Variants in UGT1A6 observed in about 807,000 individuals in gnomAD.
The protein encoded by UGT1A6 is UDP glucuronosyltransferase family 1 member A6.
In UGT1A6, 32 loss-of-function variants were observed where a neutral mutation model predicts 44.4. The ratio of observed to expected loss-of-function variants is 0.72; its 90% confidence interval spans 0.54 to 0.97. The LOEUF (loss-of-function observed/expected upper bound fraction) is 0.97. UGT1A6 is among the 50% of genes least tolerant of loss of function. The pLI is 0.00. For synonymous variants in UGT1A6, 238 were observed against 248.5 expected, an observed-to-expected ratio of 0.96 and a Z score of 0.40; for missense variants, 685 against 661.9, an observed-to-expected ratio of 1.03 and a Z score of -0.38.
chr2:233,710,795 T>C (rs914559681), intron 1 of UGT1A6, among the ~76,000 whole-genome samples: 1 of 152,238 alleles, frequency 6.6e-6, no homozygotes. Flanking sequence ...TTGTGTTTTG[T>C]ACCCCTCGTG....
chr2:233,769,998 C>A lies in UGT1A6; in HGVS notation c.1301+1559C>A. The stretch of plus-strand genomic sequence containing the variant: ...AGGATGTCCTGCTCACATATCAATA[C>A]CATTAAAACCTGACTTCTTTCCCTG... On this transcript the variant is annotated intron_variant, in intron 4 of 4. Coordinates refer to ENST00000305139, the MANE Select transcript of UGT1A6 (RefSeq NM_001072.4). The surrounding 1 kb of genome is among the most constrained non-coding windows in gnomAD (Gnocchi z 4.4). 5.7e-6 allele frequency: 1 copy of A among 174,584 alleles called. No homozygotes were observed. The highest frequency in any genetic ancestry group is 1.2e-5 in the Non-Finnish European group (1 of 82,536). The allele number at this position is 174,584 out of a possible 1,614,324, so 10.8% of individuals were successfully genotyped here. A position where few individuals can be genotyped will look rare whatever the true frequency, so the allele number is the denominator to read the frequency against.
chr2:233,744,268 G>A (rs975143580), intron 1 of UGT1A6, among the ~76,000 whole-genome samples: 1 of 151,806 alleles, frequency 6.6e-6, no homozygotes, highest in Non-Finnish European at 1.5e-5. Context: ...TTTTCTTAAA[G>A]TAGGCTTTAT....
intron 1 of UGT1A6, among the ~76,000 whole-genome samples, chr2:233,718,350 T>C: frequency 6.6e-6 from 1 of 152,358 alleles, no homozygotes; most frequent in Non-Finnish European, 1.5e-5. Flanking sequence ...CTTTTGGATG[T>C]GCTGTGTTAT....
chr2:233,764,219 C>T (rs759767670), intron 1 of UGT1A6, among the ~76,000 whole-genome samples: 2 of 152,130 alleles, frequency 1.3e-5, no homozygotes, highest in Non-Finnish European at 2.9e-5. Context: ...TGAAGGGAAT[C>T]AATGGTGGGG....
intron 1 of UGT1A6, chr2:233,729,531 G>T (rs757870746): frequency 6.2e-7 from 1 of 1,614,140 alleles, no homozygotes. Context: ...TACATAATGA[G>T]GCCCTGATCA....
chr2:233,736,850 CTGCAGAACAGCAAATAT>C (rs1213146640), intron 1 of UGT1A6, among the ~76,000 whole-genome samples: 4 of 152,338 alleles, frequency 2.6e-5, no homozygotes, highest in African/African-American at 7.2e-5. Flanking sequence ...CCAGTGGAGG[CTGCAGAACAGCAAATAT>C]TGCAGAACAG....
At chr2:233,726,933 A>AT (rs1312634062) in intron 1 of UGT1A6, among the ~76,000 whole-genome samples, 1 of 151,726 alleles carries the variant, frequency 6.6e-6, no homozygotes, top group Non-Finnish European at 1.5e-5. Flanking sequence ...TCCTTTTTTC[A>AT]TTTTTAAAAA....
intron 1 of UGT1A6, chr2:233,761,175 A>G (rs1340390077): frequency 1.2e-6 from 2 of 1,614,094 alleles, no homozygotes; most frequent in African/African-American, 2.7e-5. Flanking sequence ...TGGGACTTTT[A>G]CATGCGTATA....
chr2:233,717,701 A>G (rs1201448536), intron 1 of UGT1A6: 4 of 447,022 alleles, frequency 8.9e-6, no homozygotes, highest in Non-Finnish European at 1.8e-5. Context: ...TTTCTGGAGC[A>G]GGACGAGCCT....
intron 1 of UGT1A6, chr2:233,743,776 C>T: frequency 7.3e-7 from 1 of 1,367,308 alleles, no homozygotes; most frequent in Non-Finnish European, 9.8e-7. Context: ...CGGCCACCTG[C>T]TTGAATCTCC....
intron 1 of UGT1A6, among the ~76,000 whole-genome samples, chr2:233,724,119 G>A (rs1327289956): frequency 1.4e-4 from 15 of 110,060 alleles, no homozygotes; most frequent in South Asian, 3.2e-4. Context: ...GGGCAGAGGC[G>A]CCCCTCACCT....
Position 233,693,705 on chromosome 2 carries a change from C to A in UGT1A6, c.701C>A (p.Ser234Ter). The change falls in exon 1 of 5, where the codon TCA (serine) becomes TAA (stop). Residue 234 changes from serine (S) to a stop codon, truncating the protein, a stop_gained. Transcript: ENST00000305139. LOFTEE classifies it high-confidence loss of function. ...TTTTCAAAGTATGAAGAACTCGCAT[C>A]AGCTGTCCTCAAGAGAGATGTGGAT... ...CLFSKYEELA[S>*]AVLKRDVDII... The A allele has an allele frequency of 1.9e-6, 3 of 1,614,214 alleles. No homozygotes were observed. Among genetic ancestry groups the A allele is most frequent in the Non-Finnish European group, 2.5e-6 (3 of 1,180,046 alleles).
intron 1 of UGT1A6, among the ~76,000 whole-genome samples, chr2:233,726,156 G>T (rs1332003910): frequency 1.3e-5 from 2 of 152,114 alleles, no homozygotes; most frequent in Non-Finnish European, 2.9e-5. Flanking sequence ...ACAGAGTGAG[G>T]CCCCATTTCA....
chr2:233,771,369 G>A (rs987787590), intron 4 of UGT1A6: 2 of 151,684 alleles, frequency 1.3e-5, no homozygotes, highest in African/African-American at 4.8e-5. Flanking sequence ...CACCTAACCC[G>A]TTTTGGATTG....
rs1699951118 is a variant in UGT1A6, at chr2:233,769,835, G to A, written c.1301+1396G>A. The A allele has an allele frequency of 3.1e-6, 2 of 640,066 alleles. No individual in the cohort carries two copies. The highest frequency in any genetic ancestry group is 2.3e-6 in the Non-Finnish European group (1 of 426,370). The allele number at this position is 640,066 out of a possible 1,614,324, so 39.6% of individuals were successfully genotyped here. A position where few individuals can be genotyped will look rare whatever the true frequency, so the allele number is the denominator to read the frequency against. On this transcript the variant is annotated intron_variant, in intron 4 of 4. Coordinates refer to ENST00000305139, the MANE Select transcript of UGT1A6 (RefSeq NM_001072.4). The surrounding 1 kb of genome is among the most constrained non-coding windows in gnomAD (Gnocchi z 4.4). ...ATGCCACTGCACTCCAGCAACCTGG[G>A]CAACAGAGTGAGACCCTGTCTCAAA...
At chr2:233,728,227 T>C (rs576517888) in intron 1 of UGT1A6, among the ~76,000 whole-genome samples, 6 of 152,272 alleles carry the variant, frequency 3.9e-5, no homozygotes, top group African/African-American at 1.4e-4. Flanking sequence ...ACCATAATCT[T>C]CAGGATGAAA....
chr2:233,729,365 A>G, intron 1 of UGT1A6: 4 of 1,614,132 alleles, frequency 2.5e-6, no homozygotes, highest in African/African-American at 2.7e-5. Flanking sequence ...CTGACAACCT[A>G]TGCCATTTCG....
intron 1 of UGT1A6, chr2:233,740,958 A>C (rs1691521445): frequency 6.6e-6 from 1 of 151,686 alleles, no homozygotes; most frequent in Non-Finnish European, 1.5e-5. Context: ...GTGTGGTAGC[A>C]TTTCTGTAGT....
At chr2:233,760,944 G>C (rs1697622087) in intron 1 of UGT1A6, 18 of 1,614,082 alleles carry the variant, frequency 1.1e-5, no homozygotes, top group Non-Finnish European at 1.5e-5. Flanking sequence ...CCTTTTCACA[G>C]AACTTTCTGT....
Sources: allele counts gnomAD v4.1 joint callset (sites outside exome capture counted in the v4.1 genomes callset), GRCh38; gene constraint gnomAD v4.1.1; non-coding constraint Gnocchi (gnomAD v3.1); transcripts MANE v1.5; gene names NCBI Gene and HGNC (gene_info 2026-07-23, HGNC 2026-07-21).